LNX1: variants seen among roughly 807,000 people sequenced by gnomAD.
LNX1 encodes ligand of numb-protein X 1, also known as E3 ubiquitin-protein ligase LNX.
Under a neutral mutation model 68.4 loss-of-function variants are expected in LNX1, and 54 were observed. That is an observed-to-expected ratio of 0.79 (90% CI 0.63 to 0.99). The LOEUF (loss-of-function observed/expected upper bound fraction) is 0.99, where lower values mean the gene tolerates loss of function less well. LNX1 is among the 50% of genes least tolerant of loss of function. The pLI is 0.00. For synonymous variants in LNX1, 336 were observed against 350.0 expected, an observed-to-expected ratio of 0.96 and a Z score of 0.45; for missense variants, 906 against 926.4, an observed-to-expected ratio of 0.98 and a Z score of 0.29.
At chr4:53,575,972 C>T in intron 1 of LNX1, 1 of 1,560,776 alleles carries the variant, frequency 6.4e-7, no homozygotes, top group Non-Finnish European at 8.6e-7. Context: ...GCCCTACTGG[C>T]AGGCATGCAC....
chr4:53,465,871 G>A (rs1480150290), intron 9 of LNX1, among the ~76,000 whole-genome samples: 5 of 152,196 alleles, frequency 3.3e-5, no homozygotes, highest in Admixed American at 6.5e-5. Context: ...CCTTGGCAAT[G>A]TGTATACACA....
intron 1 of LNX1, among the ~76,000 whole-genome samples, chr4:53,585,109 G>A (rs752835069): frequency 6.6e-6 from 1 of 152,154 alleles, no homozygotes; most frequent in East Asian, 1.9e-4. Flanking sequence ...TCCTGTTTTG[G>A]TTTGGAGGAC....
chr4:53,565,004 C>T (rs899948533), intron 2 of LNX1, among the ~76,000 whole-genome samples: 2 of 152,166 alleles, frequency 1.3e-5, no homozygotes, highest in African/African-American at 2.4e-5. Context: ...TCCTACCCCA[C>T]GGAGTCTCGC....
intron 2 of LNX1, among the ~76,000 whole-genome samples, chr4:53,520,484 T>C (rs1727132670): frequency 6.6e-6 from 1 of 152,192 alleles, no homozygotes; most frequent in Non-Finnish European, 1.5e-5. Context: ...CTGGCATCTT[T>C]GGGGTCACCG....
In LNX1 at chr4:53,461,415, T is replaced by TG. The variant is rs763704519; in HGVS notation, c.2051+19dup. On this transcript the variant is annotated intron_variant, in intron 10 of 10. Transcript: ENST00000263925. Reference sequence around the variant, plus strand: ...AAACAACATTTAATACAAGTATTTTTGATTAGTCATTATTATTACCTAATT... The same window carrying TG: ...AAACAACATTTAATACAAGTATTTTTGGATTAGTCATTATTATTACCTAATT... The TG allele has an allele frequency of 2.6e-6, 4 of 1,560,590 alleles. No homozygotes were observed. In the African/African-American group the frequency reaches 4.1e-5, roughly 16 times the overall value.
chr4:53,472,424 A>T (rs548898540), intron 9 of LNX1, among the ~76,000 whole-genome samples: 1 of 152,048 alleles, frequency 6.6e-6, no homozygotes, highest in South Asian at 2.1e-4. Context: ...CCAGCATGGC[A>T]CATGTATACA....
At chr4:53,646,090 C>G (rs915985765) in intron 1 of LNX1, among the ~76,000 whole-genome samples, 2 of 152,196 alleles carry the variant, frequency 1.3e-5, no homozygotes, top group African/African-American at 4.8e-5. Flanking sequence ...TGATGCCCAA[C>G]TATACCAGTC....
chr4:53,506,215 C>T (rs959921734), intron 4 of LNX1, among the ~76,000 whole-genome samples: 5 of 152,128 alleles, frequency 3.3e-5, no homozygotes, highest in African/African-American at 1.2e-4. Flanking sequence ...GTTACCTAAT[C>T]CCTCTGGGTC....
At chr4:53,478,787 T>C (rs1723734779) in intron 7 of LNX1, 45 bp from the exon 8 acceptor site, 2 of 1,554,066 alleles carry the variant, frequency 1.3e-6, no homozygotes, top group Middle Eastern at 1.7e-4. Context: ...TTCACAACTC[T>C]GGTAGTTTTT....
chr4:53,573,922 G>T lies in LNX1; in HGVS notation c.81C>A (p.His27Gln). The T allele has an allele frequency of 6.2e-7, 1 of 1,613,798 alleles. No homozygotes were observed. The highest frequency in any genetic ancestry group is 1.1e-5 in the South Asian group (1 of 90,940). ...CGQAHSLEEN[H>Q]FYSYPEEVDD... ...CCACTTCCTCTGGATAGCTGTAGAA[G>T]TGGTTTTCCTCCAAGGAGTGGGCTT... is the stretch of plus-strand genomic sequence containing the variant. Residue 27 changes from histidine (H) to glutamine (Q), a missense_variant, in exon 2 of 11, where the codon CAC becomes CAA. Physicochemically the swap from His to Gln is conservative, Grantham distance 24. Transcript: ENST00000263925.
intron 9 of LNX1, among the ~76,000 whole-genome samples, chr4:53,475,380 G>T (rs1314754314): frequency 6.6e-6 from 1 of 152,172 alleles, no homozygotes; most frequent in Non-Finnish European, 1.5e-5. Context: ...TCAACGCTCA[G>T]ATTTTAACTG....
intron 1 of LNX1, among the ~76,000 whole-genome samples, chr4:53,637,823 G>A (rs1217820441): frequency 6.6e-6 from 1 of 152,190 alleles, no homozygotes; most frequent in Non-Finnish European, 1.5e-5. Context: ...AATTTCTGCT[G>A]TGTTAAAGAC....
At position 53,476,743 on chromosome 4, in the gene LNX1, T is replaced by C; in HGVS notation, c.1892+10A>G. ...CCACGCCCCTACAGGGATGTTGTGT[T>C]TGGACTTACCGTGGTAATTCCAGCC... On this transcript the variant is annotated intron_variant, in intron 9 of 10. Coordinates refer to ENST00000263925, the MANE Select transcript of LNX1 (RefSeq NM_001126328.3). 1 of 1,608,742 alleles carries C rather than the reference T, an allele frequency of 6.2e-7. No individual in the cohort carries two copies. The highest frequency in any genetic ancestry group is 8.5e-7 in the Non-Finnish European group (1 of 1,175,092).
chr4:53,517,999 C>T (rs1472674080), intron 2 of LNX1, among the ~76,000 whole-genome samples: 2 of 152,146 alleles, frequency 1.3e-5, no homozygotes, highest in African/African-American at 2.4e-5. Flanking sequence ...CTTTCTTCTG[C>T]CTCCAAACTG....
At chr4:53,483,424 A>G (rs1319080840) in intron 6 of LNX1, among the ~76,000 whole-genome samples, 1 of 152,250 alleles carries the variant, frequency 6.6e-6, no homozygotes, top group Non-Finnish European at 1.5e-5. Context: ...CACATGTGTC[A>G]GGTAGTATGG....
At chr4:53,512,534 T>C (rs1726431040) in intron 2 of LNX1, among the ~76,000 whole-genome samples, 1 of 139,832 alleles carries the variant, frequency 7.2e-6, no homozygotes, top group Non-Finnish European at 1.5e-5. Context: ...AGAGGGGAGA[T>C]GACCCCTAAA....
intron 2 of LNX1, among the ~76,000 whole-genome samples, chr4:53,566,501 C>T (rs1373704647): frequency 6.7e-6 from 1 of 150,360 alleles, no homozygotes; most frequent in Admixed American, 6.6e-5. Flanking sequence ...GAAGGAAGCG[C>T]TAAACATGGA....
chr4:53,521,682 T>C (rs1265464545), intron 2 of LNX1, among the ~76,000 whole-genome samples: 1 of 152,086 alleles, frequency 6.6e-6, no homozygotes, highest in African/African-American at 2.4e-5. Context: ...CCAAAAATTG[T>C]GTTATGCAAA....
intron 9 of LNX1, among the ~76,000 whole-genome samples, chr4:53,468,330 C>A (rs1443491049): frequency 2.0e-5 from 3 of 152,212 alleles, no homozygotes; most frequent in Non-Finnish European, 4.4e-5. Context: ...CCTAAAAGAG[C>A]TCCTGGAGGA....
Sources: allele counts gnomAD v4.1 joint callset (sites outside exome capture counted in the v4.1 genomes callset), GRCh38; gene constraint gnomAD v4.1.1; transcripts MANE v1.5; gene names NCBI Gene and HGNC (gene_info 2026-07-23, HGNC 2026-07-21).